The following PLOD1 variants were observed in gnomAD, a reference collection of about 807,000 sequenced individuals.
PLOD1 encodes the protein lysine hydroxylase.
Under a neutral mutation model 94.7 loss-of-function variants are expected in PLOD1, and 70 were observed. The ratio of observed to expected loss-of-function variants is 0.74; its 90% CI spans 0.61 to 0.90. The LOEUF is 0.90. Among genes scored for constraint, PLOD1 ranks in the 40% least tolerant of loss-of-function variants. The probability of loss-of-function intolerance (pLI) is 0.00; values close to 1 mark genes in which losing one functional copy is unlikely to be tolerated. For missense variants in PLOD1, 905 were observed against 972.7 expected (o/e 0.93, Z 0.93); for synonymous variants, 417 against 400.2 (o/e 1.04, Z -0.50).
intron 16 of PLOD1, among the ~76,000 whole-genome samples, chr1:11,967,656 A>T (rs59338519): frequency 0.036 from 3,820 of 106,778 alleles, 142 homozygotes; most frequent in African/African-American, 0.064. Flanking sequence ...ATATATATAT[A>T]TATTTTTTTT....
At chr1:11,937,892 C>T (rs1053205141) in intron 1 of PLOD1, among the ~76,000 whole-genome samples, 3 of 150,968 alleles carry the variant, frequency 2.0e-5, no homozygotes, top group African/African-American at 7.3e-5. Flanking sequence ...CTTTGCTTCC[C>T]TTCTCCATTT....
intron 1 of PLOD1, among the ~76,000 whole-genome samples, chr1:11,947,456 G>A (rs1213643070): frequency 6.6e-6 from 1 of 152,056 alleles, no homozygotes; most frequent in African/African-American, 2.4e-5. Context: ...TGTAGTCCCA[G>A]CTACTTGGGA....
chr1:11,967,656 A>ATTT (rs1452482171), intron 16 of PLOD1, among the ~76,000 whole-genome samples: 43 of 106,868 alleles, frequency 4.0e-4, no homozygotes, highest in East Asian at 1.8e-3. Flanking sequence ...ATATATATAT[A>ATTT]TATTTTTTTT....
At chr1:11,936,393 C>T (rs1028913238) in intron 1 of PLOD1, among the ~76,000 whole-genome samples, 7 of 151,350 alleles carry the variant, frequency 4.6e-5, no homozygotes, top group Non-Finnish European at 1.0e-4. Context: ...CAAAGCCAAG[C>T]AGAAGTGGCG....
chr1:11,951,873 C>T (rs916464088), intron 4 of PLOD1, among the ~76,000 whole-genome samples: 2 of 151,900 alleles, frequency 1.3e-5, no homozygotes, highest in African/African-American at 4.8e-5. Context: ...GAGCCGAGAT[C>T]GTGCCACTGC....
chr1:11,959,903 A>G (rs1333999472), intron 9 of PLOD1, among the ~76,000 whole-genome samples: 2 of 146,030 alleles, frequency 1.4e-5, no homozygotes, highest in Non-Finnish European at 3.0e-5. Context: ...GCCATGAGCC[A>G]CCGCACCCAG....
intron 1 of PLOD1, among the ~76,000 whole-genome samples, chr1:11,941,191 C>T (rs1050233183): frequency 2.0e-5 from 3 of 152,272 alleles, no homozygotes; most frequent in Admixed American, 2.0e-4. Flanking sequence ...GGTATCTCAC[C>T]GGGTTCAGTG....
In PLOD1 at chr1:11,957,842, C is replaced by G. The variant is rs763439166; in HGVS notation, c.742C>G (p.Leu248Val). ...VLIHGNGPTK[L>V]QLNYLGNYIP... ...CTGTGACCCCACGTCTCCCCGACAGCTGCAGTTGAACTACCTGGGCAACTA... is the reference window on the plus strand; with the variant it reads ...CTGTGACCCCACGTCTCCCCGACAGGTGCAGTTGAACTACCTGGGCAACTA... The change falls in exon 8 of 19, where the codon CTG (leucine) becomes GTG (valine). Residue 248 changes from leucine (L) to valine (V), a missense_variant and splice_region_variant. Leu to Val is a conservative substitution (Grantham distance 32, BLOSUM62 1). Coordinates refer to ENST00000196061, the MANE Select transcript of PLOD1 (RefSeq NM_000302.4). The surrounding 1 kb of genome is among the most constrained non-coding windows in gnomAD (Gnocchi z 4.1). 6.2e-7 allele frequency: 1 copy of G among 1,611,448 alleles called. No homozygotes were observed.
At chr1:11,967,654 A>ATT (rs1185433827) in intron 16 of PLOD1, among the ~76,000 whole-genome samples, 1 of 113,952 alleles carries the variant, frequency 8.8e-6, no homozygotes, top group Non-Finnish European at 1.8e-5. Flanking sequence ...ATATATATAT[A>ATT]TATATTTTTT....
chr1:11,952,792 C>A, intron 5 of PLOD1, 57 bp downstream of exon 5: 1 of 1,243,092 alleles, frequency 8.0e-7, no homozygotes, highest in Non-Finnish European at 1.2e-6. Context: ...GGCCAGGCTG[C>A]ACGGGAACAG....
intron 16 of PLOD1, among the ~76,000 whole-genome samples, chr1:11,970,139 T>C (rs1645850903): frequency 6.7e-6 from 1 of 150,126 alleles, no homozygotes; most frequent in Non-Finnish European, 1.5e-5. Flanking sequence ...TAATCCCAGC[T>C]ACTCGGGAGG....
rs1645802191 is a variant in PLOD1 at position 11,964,575 on chromosome 1, C to T, written c.1329-69C>T. 4 of 1,512,202 alleles carry T rather than the reference C, an allele frequency of 2.6e-6. No individual in the cohort carries two copies. In the Admixed American group the frequency reaches 5.0e-5, roughly 19 times the overall value. 93.7% of individuals were successfully genotyped at this position (1,512,202 alleles called of 1,614,324 possible). A position where few individuals can be genotyped will look rare whatever the true frequency, so the allele number is the denominator to read the frequency against. On this transcript the variant is annotated intron_variant, in intron 12 of 18. Transcript: ENST00000196061. The stretch of plus-strand genomic sequence containing the variant: ...TCCAGGCTATGACTCCCCACCACCA[C>T]CCTGTGACCCCCTCCATCTTCCCCA...
At position 11,957,725 on chromosome 1, in the gene PLOD1, T is replaced by A; in HGVS notation, c.742-117T>A. 1.3e-6 allele frequency: 1 copy of A among 788,814 alleles called. No homozygotes were observed. Among genetic ancestry groups the A allele is most frequent in the Admixed American group, 1.7e-5 (1 of 58,882 alleles). 48.9% of individuals were successfully genotyped at this position (788,814 alleles called of 1,614,324 possible). A position where few individuals can be genotyped will look rare whatever the true frequency, so the allele number is the denominator to read the frequency against. ...TGGAGCATTATCTCCAAGACCCTCT[T>A]AGGGAGTGGGAGGGGGCTGGATGGT... On this transcript the variant is annotated intron_variant, in intron 7 of 18. Transcript: ENST00000196061. This position sits in a 1 kb window ranked among gnomAD's most constrained non-coding sequence, Gnocchi z 4.1.
chr1:11,974,983 G>A lies in PLOD1; in HGVS notation c.*175G>A. 2 of 717,444 alleles carry A rather than the reference G, an allele frequency of 2.8e-6. No individual in the cohort carries two copies. The highest frequency in any genetic ancestry group is 5.0e-6 in the Non-Finnish European group (2 of 397,132). 44.4% of individuals were successfully genotyped at this position (717,444 alleles called of 1,614,324 possible). On this transcript the variant is annotated 3_prime_UTR_variant, in exon 19 of 19. Transcript: ENST00000196061. ...AAGAGATTCCTGCAGGCCAGAGGCG[G>A]AACACACCTTTATGGCTGGGGCTCT...
At chr1:11,936,363 T>C (rs1421568405) in intron 1 of PLOD1, among the ~76,000 whole-genome samples, 3 of 151,278 alleles carry the variant, frequency 2.0e-5, no homozygotes, top group Non-Finnish European at 2.9e-5. Context: ...GAGAAGGGCA[T>C]AGACTGCGGA....
intron 12 of PLOD1, 33 bp downstream of exon 12, chr1:11,964,333 A>G (rs1645800949): frequency 6.3e-7 from 1 of 1,579,196 alleles, no homozygotes; most frequent in Non-Finnish European, 8.7e-7. Flanking sequence ...TGGGTGGGGG[A>G]CACCTTCATC....
chr1:11,942,126 G>T (rs1324072666), intron 1 of PLOD1, among the ~76,000 whole-genome samples: 1 of 151,092 alleles, frequency 6.6e-6, no homozygotes. Flanking sequence ...GGGACTACAG[G>T]CTCTTGCCAC....
At chr1:11,944,491 T>C (rs185932078) in intron 1 of PLOD1, 2 of 1,316,948 alleles carry the variant, frequency 1.5e-6, no homozygotes, top group African/African-American at 1.5e-5. Flanking sequence ...TTTCCATCCA[T>C]GAAATGTGAC....
chr1:11,941,124 C>T (rs900790561), intron 1 of PLOD1, among the ~76,000 whole-genome samples: 3 of 152,224 alleles, frequency 2.0e-5, no homozygotes, highest in East Asian at 1.9e-4. Flanking sequence ...TCACCTTCCT[C>T]GTAGAGTGTT....
Sources: allele counts gnomAD v4.1 joint callset (sites outside exome capture counted in the v4.1 genomes callset), GRCh38; gene constraint gnomAD v4.1.1; non-coding constraint Gnocchi (gnomAD v3.1); transcripts MANE v1.5; gene names NCBI Gene and HGNC (gene_info 2026-07-23, HGNC 2026-07-21).